DSG1: variants seen among roughly 807,000 people sequenced by gnomAD.
DSG1 encodes desmoglein 1, also known as desmoglein-1.
A neutral mutation model predicts 97.5 loss-of-function variants in DSG1; 39 were observed. That is an observed-to-expected ratio of 0.40 (90% CI 0.31 to 0.52). DSG1 has a LOEUF of 0.52. Ranked by LOEUF, DSG1 falls within the 20% of genes least tolerant of loss-of-function variation. The pLI is 0.53. For missense variants in DSG1, 1,311 were observed against 1,295.4 expected, an observed-to-expected ratio of 1.01 and a Z score of -0.18; for synonymous variants, 475 against 443.4, an observed-to-expected ratio of 1.07 and a Z score of -0.90.
Position 31,333,348 on chromosome 18 carries a change from G to T in DSG1, c.685-241G>T, listed in dbSNP as rs75706028. ...CCTTTATAAACTTTTTCAACCTCTG[G>T]ACATATTATTATTAATAAGAAATGA... On this transcript the variant is annotated intron_variant, in intron 6 of 14. Transcript: ENST00000257192. Among the ~76,000 whole-genome samples the T allele has an allele frequency of 9.7e-3, 1,478 of 152,066 alleles. 29 individuals are homozygous for T. Among genetic ancestry groups the T allele is most frequent in the African/African-American group, 0.034 (1,418 of 41,476 alleles).
rs543509156 is a variant in DSG1 at position 31,336,558 on chromosome 18, G to T, written c.1210G>T (p.Val404Leu). The T allele has an allele frequency of 1.2e-6, 2 of 1,613,950 alleles. No homozygotes were observed. Among genetic ancestry groups the T allele is most frequent in the African/African-American group, 2.7e-5 (2 of 74,920 alleles). The change falls in exon 9 of 15, where the codon GTG (valine) becomes TTG (leucine). Residue 404 changes from valine (V) to leucine (L), a missense_variant. By Grantham distance (32) the Val-to-Leu change is conservative (BLOSUM62 1). This residue lies in a region of DSG1 where 1,038 missense variants were observed against 964.6 expected (regional missense o/e 1.08). Transcript: ENST00000257192. ...VTGNMGSNDK[V>L]GDFVATDLDT... ...TGGTAATATGGGATCAAATGATAAAGTGGGAGACTTTGTAGCTACTGACCT... is the reference window on the plus strand; with the variant it reads ...TGGTAATATGGGATCAAATGATAAATTGGGAGACTTTGTAGCTACTGACCT...
chr18:31,334,828 A>C (rs1382288759), intron 8 of DSG1, among the ~76,000 whole-genome samples: 1 of 152,086 alleles, frequency 6.6e-6, no homozygotes, highest in Non-Finnish European at 1.5e-5. Flanking sequence ...GTCCACATTT[A>C]CCTGCAGTAA....
intron 13 of DSG1, 51 bp downstream of exon 13, chr18:31,344,046 A>G (rs1397119503): frequency 1.6e-6 from 2 of 1,284,740 alleles, no homozygotes; most frequent in Non-Finnish European, 2.3e-6. Flanking sequence ...TAGGAAGTCT[A>G]TTTTCTCTCT....
chr18:31,354,429 G>A lies in DSG1; in HGVS notation c.2233G>A (p.Asp745Asn), dbSNP rs762914654. Residue 745 changes from aspartate (D) to asparagine (N), a missense_variant, in exon 15 of 15, where the codon GAC becomes AAC. By Grantham distance (23) the Asp-to-Asn change is conservative. This residue lies in a region of DSG1 where 1,038 missense variants were observed against 964.6 expected (regional missense o/e 1.08). Coordinates refer to ENST00000257192, the MANE Select transcript of DSG1 (RefSeq NM_001942.4). Reference sequence around the variant, plus strand: ...TAGCTTCATTGGAGAAGACCTGGATGACAGCTTCTTGGATACCCTGGGACC... The same window carrying A: ...TAGCTTCATTGGAGAAGACCTGGATAACAGCTTCTTGGATACCCTGGGACC... ...CCSFIGEDLDDSFLDTLGPKF... is the reference protein window; with the variant it reads ...CCSFIGEDLDNSFLDTLGPKF... 1.2e-6 allele frequency: 2 copies of A among 1,614,076 alleles called. No individual in the cohort carries two copies. Among genetic ancestry groups the A allele is most frequent in the African/African-American group, 1.3e-5 (1 of 74,920 alleles).
rs114896788 is a variant in DSG1, at chr18:31,357,713, T to A, written c.*2367T>A. Among the ~76,000 whole-genome samples, 2,398 of 151,972 alleles carry A rather than the reference T, an allele frequency of 0.016. 63 individuals are homozygous for A. The highest frequency in any genetic ancestry group is 0.055 in the African/African-American group (2,273 of 41,518). On this transcript the variant is annotated 3_prime_UTR_variant, in exon 15 of 15. Transcript: ENST00000257192. ...GAAAAACAAGAAAAAACATGGCCAT[T>A]TGAGTCATTGAGTCATCTATCTTTC...
chr18:31,339,817 T>C lies in DSG1; in HGVS notation c.1479T>C (p.Asn493=). The C allele has an allele frequency of 6.2e-7, 1 of 1,613,692 alleles. No homozygotes were observed. Among genetic ancestry groups the C allele is most frequent in the African/African-American group, 1.3e-5 (1 of 75,022 alleles). The change falls in exon 11 of 15, where the codon AAT becomes AAC. Residue 493 remains asparagine (N), a synonymous_variant. Coordinates refer to ENST00000257192, the MANE Select transcript of DSG1 (RefSeq NM_001942.4). ...IQSFGNDDRT[N]TEPNTKITTN... ...GTTTTGGTAATGACGACAGGACTAATACAGAGCCGAACACTAAAATTACTA... is the reference window on the plus strand; with the variant it reads ...GTTTTGGTAATGACGACAGGACTAACACAGAGCCGAACACTAAAATTACTA...
chr18:31,329,358 G>A (rs1031007391), intron 4 of DSG1, among the ~76,000 whole-genome samples: 10 of 151,756 alleles, frequency 6.6e-5, no homozygotes, highest in African/African-American at 1.7e-4. Context: ...AATAATAATC[G>A]ATATTTGCAG....
Position 31,331,553 on chromosome 18 carries a change from T to C in DSG1, c.518-148T>C, listed in dbSNP as rs530654776. 77 of 674,296 alleles carry C rather than the reference T, an allele frequency of 1.1e-4. No individual in the cohort carries two copies. The African/African-American group carries it at 1.3e-3, about 11-fold the overall frequency. 41.8% of individuals were successfully genotyped at this position (674,296 alleles called of 1,614,324 possible). Reference sequence around the variant, plus strand: ...AAAGATATAGAAAAGAGCTAAGATATCCATATGTTGAAGGAGTAGAAAGGG... The same window carrying C: ...AAAGATATAGAAAAGAGCTAAGATACCCATATGTTGAAGGAGTAGAAAGGG... On this transcript the variant is annotated intron_variant, in intron 5 of 14. Coordinates refer to ENST00000257192, the MANE Select transcript of DSG1 (RefSeq NM_001942.4).
intron 11 of DSG1, among the ~76,000 whole-genome samples, chr18:31,340,564 A>C (rs1471587906): frequency 6.6e-6 from 1 of 151,920 alleles, no homozygotes; most frequent in Non-Finnish European, 1.5e-5. Flanking sequence ...AAAAAAAAAA[A>C]AAAGAAAAGA....
At chr18:31,336,271 T>A in intron 8 of DSG1, 83 bp from the exon 9 acceptor site, 1 of 1,231,990 alleles carries the variant, frequency 8.1e-7, no homozygotes, top group Non-Finnish European at 1.1e-6. Flanking sequence ...TAATAAGTTT[T>A]TTTTGCTATT....
intron 5 of DSG1, among the ~76,000 whole-genome samples, chr18:31,330,543 G>A (rs1321986189): frequency 6.6e-6 from 1 of 151,862 alleles, no homozygotes; most frequent in Non-Finnish European, 1.5e-5. Context: ...TTAAAATACT[G>A]TACCTATACT....
At chr18:31,345,356 A>T (rs541510471) in intron 13 of DSG1, 4 of 150,362 alleles carry the variant, frequency 2.7e-5, no homozygotes, top group African/African-American at 7.4e-5. Flanking sequence ...TTTTTTTTTT[A>T]ATTTAAAAAA....
chr18:31,354,938 T>C lies in DSG1; in HGVS notation c.2742T>C (p.Pro914=). The change falls in exon 15 of 15, where the codon CCT becomes CCC. Residue 914 remains proline (P), a synonymous_variant. Transcript: ENST00000257192. ...CCACCTCTCTGACTATCCATCATCC[T>C]AGAGAGTCTTCAAATGTGGTAGTGA... ...SLPTSLTIHH[P]RESSNVVVTE... is the part of the protein sequence containing the mutation. 1 of 1,614,186 alleles carries C rather than the reference T, an allele frequency of 6.2e-7. No homozygotes were observed. Among genetic ancestry groups the C allele is most frequent in the Non-Finnish European group, 8.5e-7 (1 of 1,180,026 alleles).
chr18:31,318,311 G>A lies in DSG1; in HGVS notation c.11G>A (p.Ser4Asn), dbSNP rs767924353. MDW[S>N]FFRVVAMLFI... ...GAGAATCCAGCAGAGATGGACTGGA[G>A]TTTCTTCAGAGTAGTTGCAATGCTG... is the stretch of plus-strand genomic sequence containing the variant. Residue 4 changes from serine (S) to asparagine (N), a missense_variant, in exon 1 of 15, where the codon AGT (serine) becomes AAT (asparagine). Coordinates refer to ENST00000257192, the MANE Select transcript of DSG1 (RefSeq NM_001942.4). 1 of 1,613,594 alleles carries A rather than the reference G, an allele frequency of 6.2e-7. No individual in the cohort carries two copies. The highest frequency in any genetic ancestry group is 8.5e-7 in the Non-Finnish European group (1 of 1,179,508).
intron 1 of DSG1, among the ~76,000 whole-genome samples, chr18:31,322,855 T>A (rs1429746554): frequency 6.6e-6 from 1 of 152,166 alleles, no homozygotes; most frequent in African/African-American, 2.4e-5. Context: ...CCATTTTTAT[T>A]ATGTGCAAGG....
intron 1 of DSG1, among the ~76,000 whole-genome samples, chr18:31,319,417 A>C (rs1416251289): frequency 6.6e-6 from 1 of 152,142 alleles, no homozygotes; most frequent in Non-Finnish European, 1.5e-5. Flanking sequence ...CAGTTTTATT[A>C]ACTAAGGCGG....
intron 1 of DSG1, among the ~76,000 whole-genome samples, 168 bp downstream of exon 1, chr18:31,318,516 A>G (rs995166845): frequency 9.9e-5 from 15 of 152,156 alleles, no homozygotes; most frequent in Admixed American, 2.0e-4. Flanking sequence ...TTCTCTCTTT[A>G]ATTGAAGACT....
intron 8 of DSG1, among the ~76,000 whole-genome samples, chr18:31,334,643 C>T (rs1165091802): frequency 4.6e-5 from 7 of 152,062 alleles, no homozygotes; most frequent in South Asian, 4.2e-4. Context: ...ATTCCTCCCG[C>T]GTGTTTTCAT....
At chr18:31,353,462 G>A in intron 14 of DSG1, among the ~76,000 whole-genome samples, 1 of 152,014 alleles carries the variant, frequency 6.6e-6, no homozygotes, top group South Asian at 2.1e-4. Context: ...AGCCTACAGA[G>A]GCAGGCAGGC....
Sources: allele counts gnomAD v4.1 joint callset (sites outside exome capture counted in the v4.1 genomes callset), GRCh38; gene constraint gnomAD v4.1.1; regional missense constraint gnomAD v4.1.1; transcripts MANE v1.5; gene names NCBI Gene and HGNC (gene_info 2026-07-23, HGNC 2026-07-21).